Variants in TMEM39B observed in about 807,000 individuals in gnomAD.
TMEM39B encodes the protein transmembrane protein 39B.
Under a neutral mutation model 52.2 loss-of-function variants are expected in TMEM39B, and 23 were observed. That is an observed-to-expected ratio of 0.44 (90% CI 0.32 to 0.62). The LOEUF is 0.62. Ranked by LOEUF, TMEM39B falls within the 20% of genes least tolerant of loss-of-function variation. The pLI, the probability that TMEM39B is intolerant of heterozygous loss-of-function variation, is 0.06. For synonymous variants in TMEM39B, 285 were observed against 264.0 expected (o/e 1.08, Z -0.77); for missense variants, 547 against 642.0 (o/e 0.85, Z 1.60).
intron 7 of TMEM39B, among the ~76,000 whole-genome samples, chr1:32,100,158 G>A (rs1226828463): frequency 6.6e-6 from 1 of 152,160 alleles, no homozygotes; most frequent in Admixed American, 6.5e-5. Context: ...GGCAAGAGGT[G>A]AGACCAGATG....
At chr1:32,080,844 T>G (rs1188644202) in intron 5 of TMEM39B, among the ~76,000 whole-genome samples, 2 of 151,930 alleles carry the variant, frequency 1.3e-5, no homozygotes, top group African/African-American at 4.8e-5. Flanking sequence ...TGTAAAAAAT[T>G]AAATCCAATA....
chr1:32,092,006 G>A lies in TMEM39B; in HGVS notation c.922G>A (p.Val308Met), dbSNP rs202154275. 5.0e-5 allele frequency: 80 copies of A among 1,612,762 alleles called. No individual in the cohort carries two copies. Among genetic ancestry groups the A allele is most frequent in the Non-Finnish European group, 4.3e-5 (51 of 1,179,280 alleles). Residue 308 changes from valine (V) to methionine (M), a missense_variant, in exon 6 of 9, where the codon GTG (valine) becomes ATG (methionine). Val to Met is a conservative substitution (Grantham distance 21). Coordinates refer to ENST00000336294, the MANE Select transcript of TMEM39B (RefSeq NM_018056.4). ...TGTGGCCTTTGTGCCTGTCTGGTTC[G>A]TGAAGGTGCGTACCTCAAGCCAGGG... The part of the protein sequence containing the change: ...YYVAFVPVWF[V>M]KNTHYYDKRW...
chr1:32,074,858 T>G, intron 1 of TMEM39B, 93 bp from the exon 2 acceptor site: 1,695 of 1,341,712 alleles, frequency 1.3e-3, no homozygotes, highest in Non-Finnish European at 1.5e-3. Context: ...AATGATAAAG[T>G]GAGATACTAG....
At chr1:32,099,185 C>T (rs541553970) in intron 7 of TMEM39B, among the ~76,000 whole-genome samples, 1 of 150,498 alleles carries the variant, frequency 6.6e-6, no homozygotes, top group East Asian at 2.0e-4. Flanking sequence ...TGCAGTGAGC[C>T]GAGCGCCACT....
chr1:32,079,592 C>G (rs913360530), intron 5 of TMEM39B, among the ~76,000 whole-genome samples: 2 of 152,044 alleles, frequency 1.3e-5, no homozygotes, highest in Non-Finnish European at 2.9e-5. Context: ...ATGCAGGCAC[C>G]TCATCGGCAT....
In TMEM39B at chr1:32,102,763, CAA is replaced by C; in HGVS notation, c.*93_*94del. 7.4e-7 allele frequency: 1 copy of C among 1,344,376 alleles called. No individual in the cohort carries two copies. The highest frequency in any genetic ancestry group is 9.7e-7 in the Non-Finnish European group (1 of 1,031,280). 83.3% of individuals were successfully genotyped at this position (1,344,376 alleles called of 1,614,324 possible). On this transcript the variant is annotated 3_prime_UTR_variant, in exon 9 of 9. Transcript: ENST00000336294. ...TGGGTAGAAGTGGTGGTGGGGGGGA[CAA>C]AAGACAAAAAAATCCACCAGAGCTT...
intron 5 of TMEM39B, among the ~76,000 whole-genome samples, chr1:32,090,470 TC>T (rs1366356665): frequency 6.6e-6 from 1 of 152,006 alleles, no homozygotes; most frequent in Non-Finnish European, 1.5e-5. Flanking sequence ...TTTTTTTTTT[TC>T]TGAGACAAAG....
chr1:32,087,998 C>T (rs1027340302), intron 5 of TMEM39B, among the ~76,000 whole-genome samples: 3 of 150,026 alleles, frequency 2.0e-5, no homozygotes, highest in South Asian at 2.2e-4. Flanking sequence ...TGGTGGCGGG[C>T]GCCTGTAGTC....
At chr1:32,085,479 G>T (rs72666734) in intron 5 of TMEM39B, among the ~76,000 whole-genome samples, 3 of 152,044 alleles carry the variant, frequency 2.0e-5, no homozygotes. Context: ...TTGGCTGGGC[G>T]TGGTGGCTCA....
chr1:32,073,194 C>G (rs892034614), intron 1 of TMEM39B, 143 bp downstream of exon 1: 3 of 1,130,714 alleles, frequency 2.7e-6, no homozygotes, highest in Non-Finnish European at 3.5e-6. Flanking sequence ...ATCCCGCCCC[C>G]TCCTGTCGTT....
intron 7 of TMEM39B, among the ~76,000 whole-genome samples, chr1:32,098,514 C>T (rs1270433833): frequency 2.6e-5 from 4 of 151,806 alleles, no homozygotes; most frequent in African/African-American, 4.8e-5. Context: ...GGGCGGATCA[C>T]GAGGTCAGGA....
chr1:32,080,829 CAT>C (rs1026799156), intron 5 of TMEM39B, among the ~76,000 whole-genome samples: 1 of 151,814 alleles, frequency 6.6e-6, no homozygotes, highest in Non-Finnish European at 1.5e-5. Context: ...CAAATATAAA[CAT>C]ATTGTAAAAA....
intron 5 of TMEM39B, among the ~76,000 whole-genome samples, chr1:32,088,388 G>T (rs188713432): frequency 6.6e-6 from 1 of 152,142 alleles, no homozygotes; most frequent in Non-Finnish European, 1.5e-5. Context: ...CTGCCCTCCA[G>T]CCTGGGTGAC....
At chr1:32,091,638 T>C in intron 5 of TMEM39B, 37 bp from the exon 6 acceptor site, 3 of 1,550,262 alleles carry the variant, frequency 1.9e-6, no homozygotes, top group Non-Finnish European at 2.6e-6. Context: ...TCCTGGCCCA[T>C]GGGCAGGCCT....
At chr1:32,087,217 C>A (rs769464277) in intron 5 of TMEM39B, among the ~76,000 whole-genome samples, 4 of 149,332 alleles carry the variant, frequency 2.7e-5, no homozygotes, top group Non-Finnish European at 3.0e-5. Flanking sequence ...TTTCAGGAGG[C>A]TGATGCAGGA....
At chr1:32,100,733 A>G in intron 8 of TMEM39B, 171 bp downstream of exon 8, 1 of 915,004 alleles carries the variant, frequency 1.1e-6, no homozygotes, top group Non-Finnish European at 1.6e-6. Flanking sequence ...GTCACTTAAT[A>G]ACTGCAGCTC....
In TMEM39B at chr1:32,072,949, A is replaced by T. The variant is rs974720693; in HGVS notation, c.-99A>T. 1.0e-5 allele frequency: 15 copies of T among 1,458,260 alleles called. No individual in the cohort carries two copies. Among genetic ancestry groups the T allele is most frequent in the Non-Finnish European group, 1.2e-5 (13 of 1,085,148 alleles). The allele number at this position is 1,458,260 out of a possible 1,614,324, so 90.3% of individuals were successfully genotyped here. ...CGGGAGCGCGCGGCTGATACCCGGG[A>T]CTGGGCTGCGGCGGTTAGTCCTCTC... is the stretch of plus-strand genomic sequence containing the variant. On this transcript the variant is annotated 5_prime_UTR_variant, in exon 1 of 9. Coordinates refer to ENST00000336294, the MANE Select transcript of TMEM39B (RefSeq NM_018056.4).
chr1:32,099,232 CAA>C (rs35757706), intron 7 of TMEM39B, among the ~76,000 whole-genome samples: 1 of 86,492 alleles, frequency 1.2e-5, no homozygotes. Flanking sequence ...GACTCTGTCT[CAA>C]AAAAAAAAAA....
intron 5 of TMEM39B, among the ~76,000 whole-genome samples, chr1:32,090,036 A>G (rs1640538979): frequency 6.6e-6 from 1 of 151,770 alleles, no homozygotes; most frequent in African/African-American, 2.4e-5. Context: ...CTCAAAAAAA[A>G]AGAAAAGAAA....
Sources: allele counts gnomAD v4.1 joint callset (sites outside exome capture counted in the v4.1 genomes callset), GRCh38; gene constraint gnomAD v4.1.1; transcripts MANE v1.5; gene names NCBI Gene and HGNC (gene_info 2026-07-23, HGNC 2026-07-21).